Variants in NTRK3 observed in about 807,000 individuals in gnomAD.
The protein encoded by NTRK3 is neurotrophic receptor tyrosine kinase 3.
In NTRK3, 24 loss-of-function variants were observed where a neutral mutation model predicts 91.7. The observed-to-expected ratio is 0.26, with a 90% CI of 0.19 to 0.37. NTRK3 has a LOEUF of 0.37. Ranked by LOEUF, NTRK3 falls within the 10% of genes least tolerant of loss-of-function variation. The pLI is 1.00. For synonymous variants in NTRK3, 483 were observed against 404.0 expected, an observed-to-expected ratio of 1.20 and a Z score of -2.34; for missense variants, 880 against 1,068.9, an observed-to-expected ratio of 0.82 and a Z score of 2.46.
At chr15:87,981,836 T>C (rs2074300877) in intron 14 of NTRK3, among the ~76,000 whole-genome samples, 1 of 152,164 alleles carries the variant, frequency 6.6e-6, no homozygotes, top group Admixed American at 6.5e-5. Flanking sequence ...AGGAAAGCAA[T>C]GTGACAAGGC....
chr15:88,097,363 T>C (rs1027632975), intron 13 of NTRK3, among the ~76,000 whole-genome samples: 6 of 152,196 alleles, frequency 3.9e-5, no homozygotes, highest in Non-Finnish European at 7.3e-5. Flanking sequence ...TATGTATATG[T>C]CTACCTGAGT....
intron 17 of NTRK3, among the ~76,000 whole-genome samples, chr15:87,882,316 T>C (rs2065298032): frequency 6.6e-6 from 1 of 152,126 alleles, no homozygotes; most frequent in Non-Finnish European, 1.5e-5. Flanking sequence ...CTCACATCCT[T>C]TCAGAAAATA....
chr15:87,942,228 C>G (rs536944837), intron 14 of NTRK3, among the ~76,000 whole-genome samples: 50 of 152,328 alleles, frequency 3.3e-4, no homozygotes, highest in African/African-American at 1.2e-3. Context: ...TCTCCTCCCC[C>G]TAGGACAGAC....
exon 2 of NTRK3, chr15:88,256,471 C>G (rs992400903): frequency 4.4e-5 from 23 of 524,466 alleles, no homozygotes; most frequent in African/African-American, 3.7e-4. Context: ...GCGAGGCGCG[C>G]TCTCCGACTC....
chr15:88,120,535 G>C (rs748623572), intron 13 of NTRK3, among the ~76,000 whole-genome samples: 2 of 152,136 alleles, frequency 1.3e-5, no homozygotes, highest in African/African-American at 2.4e-5. Flanking sequence ...CTTCCTTCCC[G>C]GCCTTCCCAC....
chr15:87,880,603 T>C (rs1048227441), intron 17 of NTRK3, among the ~76,000 whole-genome samples, 175 bp from the exon 19 acceptor site: 2 of 152,102 alleles, frequency 1.3e-5, no homozygotes, highest in Admixed American at 6.5e-5. Flanking sequence ...AGACCTACGA[T>C]AAAGGAGACA....
chr15:88,021,716 A>C (rs2077607127), intron 14 of NTRK3, among the ~76,000 whole-genome samples: 1 of 152,134 alleles, frequency 6.6e-6, no homozygotes, highest in Non-Finnish European at 1.5e-5. Flanking sequence ...ATGTAGGTAG[A>C]GCTTTGGTTT....
At chr15:87,982,844 C>T (rs1256049600) in intron 14 of NTRK3, among the ~76,000 whole-genome samples, 3 of 151,720 alleles carry the variant, frequency 2.0e-5, no homozygotes, top group Non-Finnish European at 4.4e-5. Context: ...AATTCTCTCT[C>T]CCTTGCTGGG....
At chr15:88,089,966 G>A (rs997847142) in intron 13 of NTRK3, among the ~76,000 whole-genome samples, 11 of 152,046 alleles carry the variant, frequency 7.2e-5, no homozygotes, top group African/African-American at 2.4e-4. Flanking sequence ...CTGCACCACC[G>A]GTCCAGCCAC....
At chr15:88,064,373 G>A (rs937253191) in intron 13 of NTRK3, among the ~76,000 whole-genome samples, 3 of 152,138 alleles carry the variant, frequency 2.0e-5, no homozygotes, top group Non-Finnish European at 4.4e-5. Context: ...TGATTTTATA[G>A]CTCGTCCTTC....
chr15:88,113,162 A>G (rs2051614444), intron 13 of NTRK3, among the ~76,000 whole-genome samples: 1 of 152,152 alleles, frequency 6.6e-6, no homozygotes, highest in African/African-American at 2.4e-5. Flanking sequence ...TGGTATAGCT[A>G]CTATGCAGGG....
chr15:88,088,542 A>G (rs2048717885), intron 13 of NTRK3, among the ~76,000 whole-genome samples: 4 of 152,328 alleles, frequency 2.6e-5, no homozygotes, highest in Admixed American at 2.6e-4. Context: ...TGTAACAGTA[A>G]TGTAATATAT....
intron 5 of NTRK3, among the ~76,000 whole-genome samples, chr15:88,165,877 G>A (rs944124566): frequency 5.3e-5 from 8 of 151,950 alleles, no homozygotes; most frequent in Admixed American, 4.6e-4. Flanking sequence ...GTGTGTGTAT[G>A]TGCACATGCG....
chr15:87,866,660 T>G (rs2064688393), exon 19 of NTRK3: 1 of 189,540 alleles, frequency 5.3e-6, no homozygotes, highest in Non-Finnish European at 1.1e-5. Flanking sequence ...ATTTGGGGAA[T>G]AGATGGTTTG....
intron 5 of NTRK3, 70 bp downstream of exon 5, chr15:88,183,348 G>C: frequency 6.6e-7 from 1 of 1,526,136 alleles, no homozygotes; most frequent in Non-Finnish European, 9.1e-7. Flanking sequence ...CTAGACCTCA[G>C]GTCTCCGGTT....
intron 3 of NTRK3, among the ~76,000 whole-genome samples, chr15:88,190,060 C>G (rs189207230): frequency 1.1e-3 from 163 of 152,212 alleles, no homozygotes; most frequent in Non-Finnish European, 7.1e-4. Flanking sequence ...CAGAACTTCC[C>G]TGGGCACTTG....
chr15:87,966,026 C>T (rs2072758971), intron 14 of NTRK3, among the ~76,000 whole-genome samples: 2 of 151,326 alleles, frequency 1.3e-5, no homozygotes, highest in South Asian at 4.2e-4. Context: ...TGCAGTGAGC[C>T]GAGATCACAC....
At chr15:88,138,267 G>A (rs186071469) in intron 6 of NTRK3, among the ~76,000 whole-genome samples, 19 of 151,834 alleles carry the variant, frequency 1.3e-4, no homozygotes, top group Non-Finnish European at 1.9e-4. Flanking sequence ...AAAATTAGCC[G>A]GGCGTGGTGG....
In NTRK3 at chr15:88,191,977, C is replaced by G. The variant is rs151235775; in HGVS notation, c.249-7678G>C. Among the ~76,000 whole-genome samples, 244 of 152,302 alleles carry G rather than the reference C, an allele frequency of 1.6e-3. 1 individual carries two copies. Among genetic ancestry groups the G allele is most frequent in the South Asian group, 0.013 (63 of 4,830 alleles). Reference sequence around the variant, plus strand: ...TGCCGGTGACCCCAGCATGCCAGCACGTTAGCACACAAGCCTACAAGCAGC... The same window carrying G: ...TGCCGGTGACCCCAGCATGCCAGCAGGTTAGCACACAAGCCTACAAGCAGC... On this transcript the variant is annotated intron_variant, in intron 3 of 18. Transcript: ENST00000394480.
Sources: gnomAD v4.1 joint callset for allele counts (sites outside exome capture counted in the v4.1 genomes callset) on GRCh38, gnomAD v4.1.1 for gene constraint, MANE v1.5 for transcripts, NCBI Gene and HGNC (gene_info 2026-07-23, HGNC 2026-07-21) for gene names.